PDE7B: variants seen among roughly 807,000 people sequenced by gnomAD.
The protein encoded by PDE7B is phosphodiesterase 7B.
A neutral mutation model predicts 56.2 loss-of-function variants in PDE7B; 29 were observed. The ratio of observed to expected loss-of-function variants is 0.52; its 90% CI spans 0.38 to 0.70. The LOEUF (loss-of-function observed/expected upper bound fraction) is 0.70. Ranked by LOEUF, PDE7B falls within the 30% of genes least tolerant of loss-of-function variation. The pLI is 0.00. For missense variants in PDE7B, 490 were observed against 565.0 expected (o/e 0.87, Z 1.35); for synonymous variants, 197 against 196.9 (o/e 1.00, Z 0.00).
intron 1 of PDE7B, among the ~76,000 whole-genome samples, chr6:135,880,300 T>C (rs1775583749): frequency 6.6e-6 from 1 of 152,166 alleles, no homozygotes; most frequent in Admixed American, 6.5e-5. Flanking sequence ...TGGGGCCATG[T>C]ACTTTGGGAA....
At chr6:135,881,443 C>T (rs1031494325) in intron 1 of PDE7B, among the ~76,000 whole-genome samples, 13 of 151,746 alleles carry the variant, frequency 8.6e-5, no homozygotes, top group African/African-American at 2.2e-4. Context: ...GGGAGGCAGA[C>T]GTTGCAATGA....
chr6:135,948,843 CTAGATAGATAGATAGATAGA>C (rs35143164), intron 2 of PDE7B, among the ~76,000 whole-genome samples: 172 of 132,462 alleles, frequency 1.3e-3, no homozygotes, highest in South Asian at 6.3e-3. Flanking sequence ...ATTTCAGGTA[CTAGATAGATAGATAGATAGA>C]TAGATAGATA....
rs1303749816 is a variant in PDE7B, at chr6:135,969,264, A to G, written c.82+21740A>G. 2.0e-5 allele frequency among the ~76,000 whole-genome samples: 3 copies of G among 152,334 alleles called. No individual in the cohort carries two copies. In the East Asian group the frequency reaches 5.8e-4, roughly 29 times the overall value. On this transcript the variant is annotated intron_variant, in intron 2 of 12. Coordinates refer to ENST00000308191, the MANE Select transcript of PDE7B (RefSeq NM_018945.4). ...AAACCACCATGGTACACGTTTACCT[A>G]TGTAACAAACCTGCACATCCTGCAC... is the stretch of plus-strand genomic sequence containing the variant.
chr6:136,176,359 T>C (rs1181079319), intron 9 of PDE7B, among the ~76,000 whole-genome samples: 2 of 152,084 alleles, frequency 1.3e-5, no homozygotes, highest in African/African-American at 4.8e-5. Flanking sequence ...ATAATCCCAT[T>C]ATAGATCTTT....
chr6:136,158,660 T>C (rs1175286861), intron 8 of PDE7B, among the ~76,000 whole-genome samples: 2 of 152,198 alleles, frequency 1.3e-5, no homozygotes, highest in Non-Finnish European at 2.9e-5. Context: ...CTCCCTCCCA[T>C]GGTCTGTTCT....
At chr6:136,079,678 G>A (rs1369233677) in intron 2 of PDE7B, among the ~76,000 whole-genome samples, 1 of 144,636 alleles carries the variant, frequency 6.9e-6, no homozygotes, top group Non-Finnish European at 1.5e-5. Flanking sequence ...CCCAACTTTA[G>A]CAGCCGGAAG....
At chr6:136,191,258 C>T (rs1008576017) in intron 12 of PDE7B, among the ~76,000 whole-genome samples, 2 of 152,194 alleles carry the variant, frequency 1.3e-5, no homozygotes, top group African/African-American at 4.8e-5. Flanking sequence ...TGCTCCTAGG[C>T]TGAGGGTAGC....
chr6:136,149,050 G>A, intron 4 of PDE7B, 37 bp from the exon 5 acceptor site: 1 of 1,458,218 alleles, frequency 6.9e-7, no homozygotes, highest in South Asian at 1.1e-5. Flanking sequence ...TCTCCAGTGT[G>A]ATTCATTTGC....
chr6:135,994,370 G>T (rs572071133), intron 2 of PDE7B, among the ~76,000 whole-genome samples: 1 of 152,218 alleles, frequency 6.6e-6, no homozygotes, highest in South Asian at 2.1e-4. Context: ...AAATAGTATG[G>T]TTCTCCTCAA....
At position 136,108,813 on chromosome 6, in the gene PDE7B, C is replaced by G. The variant is rs1240321463; in HGVS notation, c.165C>G (p.Asn55Lys). 1 of 1,566,072 alleles carries G rather than the reference C, an allele frequency of 6.4e-7. No homozygotes were observed. The highest frequency in any genetic ancestry group is 8.8e-7 in the Non-Finnish European group (1 of 1,136,472). ...SYPFIDFRLLNSTTYSGEIGT... is the reference protein window; with the variant it reads ...SYPFIDFRLLKSTTYSGEIGT... ...CATTCATTGACTTCCGCCTACTTAA[C>G]AGTGAGTAATCAAGTGTACCTGGAA... The change falls in exon 3 of 13, where the codon AAC (asparagine) becomes AAG (lysine). Residue 55 changes from asparagine to lysine, a missense_variant and splice_region_variant. Transcript: ENST00000308191.
chr6:135,894,730 A>G (rs1044599267), intron 1 of PDE7B, among the ~76,000 whole-genome samples: 2 of 152,170 alleles, frequency 1.3e-5, no homozygotes, highest in Non-Finnish European at 2.9e-5. Flanking sequence ...TGAAATGTAC[A>G]GTACATCTTG....
intron 2 of PDE7B, among the ~76,000 whole-genome samples, chr6:135,955,504 G>A (rs1278273071): frequency 2.6e-5 from 4 of 152,048 alleles, no homozygotes; most frequent in Non-Finnish European, 2.9e-5. Context: ...TAGAGTAAGA[G>A]GAATGAGATA....
intron 2 of PDE7B, among the ~76,000 whole-genome samples, chr6:136,069,944 T>A (rs766677549): frequency 3.4e-4 from 51 of 152,074 alleles, no homozygotes; most frequent in Non-Finnish European, 6.6e-4. Context: ...CAAACAGAAA[T>A]CTGAATTCAA....
intron 2 of PDE7B, among the ~76,000 whole-genome samples, chr6:136,077,769 T>A (rs1000520077): frequency 6.6e-6 from 1 of 152,222 alleles, no homozygotes; most frequent in Non-Finnish European, 1.5e-5. Context: ...CTATCAACCC[T>A]GGATTTTAAT....
chr6:135,996,360 C>T (rs972711690), intron 2 of PDE7B, among the ~76,000 whole-genome samples: 10 of 152,150 alleles, frequency 6.6e-5, no homozygotes, highest in African/African-American at 2.4e-4. Flanking sequence ...TAAAAATTAA[C>T]TTCAGTCAGA....
At chr6:136,179,353 AAAC>A (rs1583928046) in intron 10 of PDE7B, among the ~76,000 whole-genome samples, 1 of 152,124 alleles carries the variant, frequency 6.6e-6, no homozygotes, top group South Asian at 2.1e-4. Flanking sequence ...AAAAAACACA[AAAC>A]AACAACAACA....
chr6:136,156,048 T>C, intron 8 of PDE7B: 1 of 457,534 alleles, frequency 2.2e-6, no homozygotes, highest in South Asian at 2.0e-5. Flanking sequence ...GTTCTTTGTA[T>C]CCAAAGACCT....
intron 2 of PDE7B, among the ~76,000 whole-genome samples, chr6:136,106,445 T>C (rs1010126428): frequency 4.6e-5 from 7 of 152,190 alleles, no homozygotes; most frequent in African/African-American, 1.7e-4. Context: ...GAAAGAGCTC[T>C]TCCTATGAAG....
intron 2 of PDE7B, among the ~76,000 whole-genome samples, chr6:135,984,898 C>A (rs1403054439): frequency 2.0e-5 from 3 of 151,998 alleles, no homozygotes; most frequent in Non-Finnish European, 4.4e-5. Flanking sequence ...ATCCCACCTG[C>A]CCAGCTCTAC....
Sources: allele counts gnomAD v4.1 joint callset (sites outside exome capture counted in the v4.1 genomes callset), GRCh38; gene constraint gnomAD v4.1.1; transcripts MANE v1.5; gene names NCBI Gene and HGNC (gene_info 2026-07-23, HGNC 2026-07-21).